The following HYAL4 variants were observed in gnomAD, a reference collection of about 807,000 sequenced individuals.
HYAL4 encodes the protein hyaluronidase 4.
HYAL4 carries 37 observed loss-of-function variants against 35.2 expected under a neutral mutation model. The observed-to-expected ratio is 1.05, with a 90% CI of 0.81 to 1.38. The LOEUF (loss-of-function observed/expected upper bound fraction) is 1.38, where lower values mean the gene tolerates loss of function less well. Ranked by LOEUF, HYAL4 falls within the 40% of genes most tolerant of loss-of-function variation. HYAL4 has a pLI of 0.00. For synonymous variants in HYAL4, 198 were observed against 203.2 expected (o/e 0.97, Z 0.22); for missense variants, 572 against 572.4 (o/e 1.00, Z 0.01).
intron 1 of HYAL4, among the ~76,000 whole-genome samples, chr7:123,847,846 G>A (rs1806209082): frequency 6.6e-6 from 1 of 152,026 alleles, no homozygotes; most frequent in Admixed American, 6.6e-5. Flanking sequence ...TCTTTATTCT[G>A]GAAGTCTTAC....
the HYAL4 span, among the ~76,000 whole-genome samples, chr7:123,792,644 A>G: frequency 6.6e-5 from 10 of 151,948 alleles, no homozygotes; most frequent in Non-Finnish European, 1.0e-4. Flanking sequence ...TTTGCCCACA[A>G]TTTCCTTTAT....
At chr7:123,875,772 C>T (rs1251162955) in intron 4 of HYAL4, among the ~76,000 whole-genome samples, 1 of 151,798 alleles carries the variant, frequency 6.6e-6, no homozygotes, top group African/African-American at 2.4e-5. Flanking sequence ...ACATTAATCA[C>T]AATCTCTTCC....
At chr7:123,849,364 G>A (rs910427578) in intron 2 of HYAL4, among the ~76,000 whole-genome samples, 6 of 151,564 alleles carry the variant, frequency 4.0e-5, no homozygotes, top group East Asian at 2.0e-4. Flanking sequence ...GCATCGGCGC[G>A]ATCTTGGCTC....
At chr7:123,842,886 G>A (rs185383785), upstream of HYAL4, among the ~76,000 whole-genome samples, 561 of 151,930 alleles carry the variant, frequency 3.7e-3, 2 homozygotes, top group African/African-American at 0.013. Context: ...TTGAGCCTAT[G>A]TGTGTCTTTG....
the HYAL4 span, among the ~76,000 whole-genome samples, chr7:123,802,384 A>G: frequency 3.3e-5 from 5 of 152,170 alleles, no homozygotes; most frequent in African/African-American, 1.2e-4. Context: ...ATCAAGGATG[A>G]CTTCTCTGTT....
chr7:123,859,115 AG>A lies in HYAL4; in HGVS notation c.-51-9107del, dbSNP rs549632881. 5.7e-4 allele frequency among the ~76,000 whole-genome samples: 87 copies of A among 152,316 alleles called. 1 individual carries two copies. The South Asian group carries it at 0.018, about 31-fold the overall frequency. On this transcript the variant is annotated intron_variant, in intron 2 of 4. Coordinates refer to ENST00000223026, the MANE Select transcript of HYAL4 (RefSeq NM_012269.3). ...GAATTGAAGAAAATCCAAGGAAAAA[AG>A]TTATCTGATGCTGAAGAAGTTAACA...
the HYAL4 span, among the ~76,000 whole-genome samples, chr7:123,768,344 T>G: frequency 6.6e-6 from 1 of 152,214 alleles, no homozygotes; most frequent in African/African-American, 2.4e-5. Context: ...GTTGATATAA[T>G]TTAAGTATCT....
At chr7:123,827,125 G>A (rs370393874), upstream of HYAL4, among the ~76,000 whole-genome samples, 2 of 152,012 alleles carry the variant, frequency 1.3e-5, no homozygotes, top group East Asian at 1.9e-4. Flanking sequence ...TAATGAGATG[G>A]GGTGAGCTTA....
At chr7:123,796,744 T>C in the HYAL4 span, among the ~76,000 whole-genome samples, 1 of 152,206 alleles carries the variant, frequency 6.6e-6, no homozygotes, top group Admixed American at 6.5e-5. Context: ...CAATGGAATA[T>C]TATTCAGCCA....
At chr7:123,824,173 CA>C (rs1451675102), upstream of HYAL4, among the ~76,000 whole-genome samples, 3 of 152,052 alleles carry the variant, frequency 2.0e-5, no homozygotes, top group Non-Finnish European at 2.9e-5. Context: ...TTTATCTATA[CA>C]ATGAAAGAAA....
At chr7:123,807,168 A>C in the HYAL4 span, among the ~76,000 whole-genome samples, 1 of 152,196 alleles carries the variant, frequency 6.6e-6, no homozygotes, top group Non-Finnish European at 1.5e-5. Context: ...ATCTAATCTG[A>C]ACTGACCTGG....
chr7:123,858,869 A>C (rs1236799416), intron 2 of HYAL4, among the ~76,000 whole-genome samples: 2 of 152,110 alleles, frequency 1.3e-5, no homozygotes, highest in African/African-American at 4.8e-5. Flanking sequence ...TTTAACCTGC[A>C]CTCTTACTGA....
chr7:123,859,484 C>T (rs1319129258), intron 2 of HYAL4, among the ~76,000 whole-genome samples: 2 of 152,102 alleles, frequency 1.3e-5, no homozygotes, highest in Non-Finnish European at 2.9e-5. Flanking sequence ...TAGATAGTAA[C>T]CAATCAATAA....
chr7:123,813,330 T>C, the HYAL4 span, among the ~76,000 whole-genome samples: 3 of 152,318 alleles, frequency 2.0e-5, no homozygotes, highest in South Asian at 6.2e-4. Flanking sequence ...TAGATAGTCC[T>C]TATATTCTGG....
chr7:123,838,460 T>C (rs1806002828), intron 1 of HYAL4, among the ~76,000 whole-genome samples: 1 of 152,126 alleles, frequency 6.6e-6, no homozygotes, highest in African/African-American at 2.4e-5. Context: ...CATTACAAAA[T>C]GGTTCTACCA....
intron 2 of HYAL4, among the ~76,000 whole-genome samples, chr7:123,854,190 G>A (rs149906778): frequency 5.2e-4 from 79 of 152,076 alleles, no homozygotes; most frequent in African/African-American, 1.8e-3. Flanking sequence ...GATTCATTGT[G>A]TTTTTGAAAG....
At chr7:123,787,008 T>C in the HYAL4 span, among the ~76,000 whole-genome samples, 7 of 148,476 alleles carry the variant, frequency 4.7e-5, no homozygotes, top group African/African-American at 1.8e-4. Context: ...CTTGGTAGGC[T>C]GAGGCAGGAG....
intron 1 of HYAL4, among the ~76,000 whole-genome samples, chr7:123,836,616 A>G (rs566604646): frequency 4.5e-4 from 67 of 148,882 alleles, no homozygotes; most frequent in South Asian, 1.1e-3. Context: ...TAGTCCATAC[A>G]TTGTGTTATT....
chr7:123,875,667 A>G (rs555581867), intron 4 of HYAL4, among the ~76,000 whole-genome samples: 6 of 151,720 alleles, frequency 4.0e-5, no homozygotes, highest in Non-Finnish European at 8.8e-5. Context: ...AAAAAAAAAA[A>G]AAAAAGAAAA....
Sources: allele counts gnomAD v4.1 joint callset (sites outside exome capture counted in the v4.1 genomes callset), GRCh38; gene constraint gnomAD v4.1.1; transcripts MANE v1.5; gene names NCBI Gene and HGNC (gene_info 2026-07-23, HGNC 2026-07-21).